Variants in NRXN1 observed in about 807,000 individuals in gnomAD.
The protein encoded by NRXN1 is neurexin-1.
A neutral mutation model predicts 150.9 loss-of-function variants in NRXN1; 39 were observed. That is an observed-to-expected ratio of 0.26 (90% CI 0.20 to 0.34). NRXN1 has a LOEUF of 0.34. Among genes scored for constraint, NRXN1 ranks in the 10% least tolerant of loss-of-function variants. The probability of loss-of-function intolerance (pLI) is 1.00; values close to 1 mark genes in which losing one functional copy is unlikely to be tolerated. For missense variants in NRXN1, 1,815 were observed against 1,949.9 expected (o/e 0.93, Z 1.30); for synonymous variants, 924 against 757.0 (o/e 1.22, Z -3.62).
At chr2:50,621,484 G>A (rs1477088561) in intron 6 of NRXN1, among the ~76,000 whole-genome samples, 1 of 152,068 alleles carries the variant, frequency 6.6e-6, no homozygotes, top group Non-Finnish European at 1.5e-5. Context: ...CTCCCACAGA[G>A]GTAATATTTT....
At chr2:50,796,676 T>G (rs906584864) in intron 5 of NRXN1, among the ~76,000 whole-genome samples, 2 of 152,178 alleles carry the variant, frequency 1.3e-5, no homozygotes, top group African/African-American at 2.4e-5. Context: ...ATTTAAAAGT[T>G]GCTAATCAGA....
At chr2:50,921,831 T>C (rs765775999) in intron 5 of NRXN1, 38 bp downstream of exon 5, 14 of 1,081,478 alleles carry the variant, frequency 1.3e-5, no homozygotes, top group Non-Finnish European at 1.4e-5. Flanking sequence ...CTGTAATTCA[T>C]ACAGATGATA....
rs1286224385 is a variant in NRXN1 at position 50,379,466 on chromosome 2, G to A, written c.3364+85976C>T. 3.3e-5 allele frequency among the ~76,000 whole-genome samples: 5 copies of A among 152,214 alleles called. No individual in the cohort carries two copies. The East Asian group carries it at 5.8e-4, about 18-fold the overall frequency. On this transcript the variant is annotated intron_variant, in intron 17 of 22. Coordinates refer to ENST00000401669, the MANE Select transcript of NRXN1 (RefSeq NM_001330078.2). ...TTCTACCTCCCTGAGAATCAGTCTC[G>A]CTTGCAGGTAGAGTATTGACTGCTA...
intron 2 of NRXN1, among the ~76,000 whole-genome samples, chr2:51,015,574 T>G (rs1668535083): frequency 6.6e-6 from 1 of 151,916 alleles, no homozygotes; most frequent in African/African-American, 2.4e-5. Context: ...TTATTCTAAC[T>G]CCTGAAGCTC....
At chr2:50,961,201 A>G (rs1203778481) in intron 2 of NRXN1, among the ~76,000 whole-genome samples, 1 of 151,868 alleles carries the variant, frequency 6.6e-6, no homozygotes, top group Non-Finnish European at 1.5e-5. Context: ...AGCATATATG[A>G]TAGAGGCCCA....
intron 22 of NRXN1, among the ~76,000 whole-genome samples, chr2:49,931,229 C>A (rs1195201274): frequency 2.0e-5 from 3 of 152,142 alleles, no homozygotes; most frequent in Admixed American, 6.5e-5. Context: ...TTCTCTAACC[C>A]TCAACCTTTG....
At chr2:50,567,321 T>C (rs1670024115) in intron 8 of NRXN1, among the ~76,000 whole-genome samples, 1 of 152,124 alleles carries the variant, frequency 6.6e-6, no homozygotes, top group Admixed American at 6.5e-5. Context: ...CAGCCTCCTG[T>C]AGTCAATAAG....
At chr2:51,031,453 A>T (rs1426933276) in intron 1 of NRXN1, among the ~76,000 whole-genome samples, 1 of 152,100 alleles carries the variant, frequency 6.6e-6, no homozygotes, top group Non-Finnish European at 1.5e-5. Context: ...ATATATATAT[A>T]TCTTCATAAA....
chr2:50,426,954 T>C (rs968123997), intron 17 of NRXN1, among the ~76,000 whole-genome samples: 7 of 152,196 alleles, frequency 4.6e-5, no homozygotes, highest in African/African-American at 1.7e-4. Flanking sequence ...GTAAGGGGAA[T>C]GAAAGAGATA....
At chr2:50,044,959 T>G (rs916768991) in intron 21 of NRXN1, among the ~76,000 whole-genome samples, 2 of 152,226 alleles carry the variant, frequency 1.3e-5, no homozygotes, top group Non-Finnish European at 2.9e-5. Flanking sequence ...GAATGCTTAC[T>G]GGATAAACCA....
chr2:50,159,827 A>G (rs754143708), intron 18 of NRXN1, among the ~76,000 whole-genome samples: 7 of 152,202 alleles, frequency 4.6e-5, no homozygotes, highest in Non-Finnish European at 7.3e-5. Context: ...ACAAGTTATT[A>G]TTTAATAATA....
At chr2:50,557,235 T>G (rs1340870256) in intron 8 of NRXN1, among the ~76,000 whole-genome samples, 1 of 152,198 alleles carries the variant, frequency 6.6e-6, no homozygotes, top group Non-Finnish European at 1.5e-5. Context: ...AGATAATGAC[T>G]TTTTAAAATA....
intron 12 of NRXN1, among the ~76,000 whole-genome samples, chr2:50,520,230 C>A (rs1036870595): frequency 6.6e-6 from 1 of 151,678 alleles, no homozygotes; most frequent in East Asian, 1.9e-4. Context: ...TGATTAGGAA[C>A]AAAATGTTGT....
rs572414450 is a variant in NRXN1, at chr2:50,726,814, G to A, written c.833-103199C>T. 6.6e-4 allele frequency among the ~76,000 whole-genome samples: 101 copies of A among 152,116 alleles called. No individual in the cohort carries two copies. In the South Asian group the frequency reaches 0.019, roughly 29 times the overall value. On this transcript the variant is annotated intron_variant, in intron 5 of 22. Coordinates refer to ENST00000401669, the MANE Select transcript of NRXN1 (RefSeq NM_001330078.2). ...TTTTAAATCCCTAATGGAAATAAGG[G>A]TAACAAAAATTATTCAGCATACATT... is the stretch of plus-strand genomic sequence containing the variant.
chr2:50,902,816 G>C (rs1683141078), intron 5 of NRXN1, among the ~76,000 whole-genome samples: 1 of 152,122 alleles, frequency 6.6e-6, no homozygotes, highest in Non-Finnish European at 1.5e-5. Flanking sequence ...ATCTCAGATA[G>C]TTATTATAAC....
intron 5 of NRXN1, among the ~76,000 whole-genome samples, chr2:50,689,838 GT>G (rs897391915): frequency 1.0e-4 from 15 of 143,204 alleles, no homozygotes; most frequent in Non-Finnish European, 1.7e-4. Context: ...CCATCAGCTT[GT>G]TTTTTTTTGC....
intron 22 of NRXN1, among the ~76,000 whole-genome samples, chr2:49,932,072 AATGTGTGTGC>A (rs1670224096): frequency 6.9e-6 from 1 of 144,636 alleles, no homozygotes; most frequent in Non-Finnish European, 1.5e-5. Flanking sequence ...CATGTGTGTG[AATGTGTGTGC>A]ATGTGAATAT....
chr2:50,907,438 G>A (rs1374563034), intron 5 of NRXN1, among the ~76,000 whole-genome samples: 1 of 152,080 alleles, frequency 6.6e-6, no homozygotes, highest in African/African-American at 2.4e-5. Context: ...CATTACAGCA[G>A]TGTTGGCTGT....
intron 5 of NRXN1, among the ~76,000 whole-genome samples, chr2:50,864,070 C>T (rs946191363): frequency 9.9e-5 from 15 of 151,940 alleles, no homozygotes; most frequent in Admixed American, 6.6e-5. Flanking sequence ...AGAGATTTTC[C>T]GTTGGCTTAC....
Sources: allele counts gnomAD v4.1 joint callset (sites outside exome capture counted in the v4.1 genomes callset), GRCh38; gene constraint gnomAD v4.1.1; transcripts MANE v1.5; gene names NCBI Gene and HGNC (gene_info 2026-07-23, HGNC 2026-07-21).